Variants in IGSF11 observed in about 807,000 individuals in gnomAD.
IGSF11 encodes CXADR like 1.
In IGSF11, 22 loss-of-function variants were observed where a neutral mutation model predicts 41.0. The ratio of observed to expected loss-of-function variants is 0.54; its 90% CI spans 0.38 to 0.77. The LOEUF (loss-of-function observed/expected upper bound fraction) is 0.77. Among genes scored for constraint, IGSF11 ranks in the 30% least tolerant of loss-of-function variants. The probability of loss-of-function intolerance (pLI) is 0.00; values close to 1 mark genes in which losing one functional copy is unlikely to be tolerated. For synonymous variants in IGSF11, 219 were observed against 201.3 expected (o/e 1.09, Z -0.74); for missense variants, 444 against 530.8 (o/e 0.84, Z 1.61).
At chr3:119,016,286 TGTGTTCA>T (rs1366924365) in intron 1 of IGSF11, among the ~76,000 whole-genome samples, 10 of 152,216 alleles carry the variant, frequency 6.6e-5, no homozygotes, top group Admixed American at 6.5e-4. Flanking sequence ...GCATATGGCA[TGTGTTCA>T]AAGGTTCTCA....
intron 1 of IGSF11, among the ~76,000 whole-genome samples, chr3:119,072,221 C>A (rs973918134): frequency 6.6e-6 from 1 of 152,192 alleles, no homozygotes; most frequent in African/African-American, 2.4e-5. Flanking sequence ...TGATCCTGAG[C>A]TAAGGCATTA....
chr3:118,952,853 CCT>C (rs1944671017), intron 1 of IGSF11, among the ~76,000 whole-genome samples: 1 of 151,972 alleles, frequency 6.6e-6, no homozygotes, highest in African/African-American at 2.4e-5. Context: ...TTGGAAAACT[CCT>C]GTTTTTATGT....
chr3:118,937,816 T>C (rs1381718198), intron 1 of IGSF11, among the ~76,000 whole-genome samples: 1 of 152,214 alleles, frequency 6.6e-6, no homozygotes, highest in Non-Finnish European at 1.5e-5. Flanking sequence ...CTGGCTGTAA[T>C]ATGTAATTGT....
At chr3:119,013,101 T>C (rs918224780) in intron 1 of IGSF11, 2 of 152,346 alleles carry the variant, frequency 1.3e-5, no homozygotes, top group Non-Finnish European at 2.9e-5. Flanking sequence ...AAAGGCTAGC[T>C]CTCCCATGCC....
intron 1 of IGSF11, among the ~76,000 whole-genome samples, chr3:119,024,834 A>G (rs1939660423): frequency 6.6e-6 from 1 of 152,214 alleles, no homozygotes; most frequent in African/African-American, 2.4e-5. Flanking sequence ...GATCATAAAA[A>G]TCAAGTTAAA....
chr3:118,922,322 T>C (rs1173371687), intron 4 of IGSF11, among the ~76,000 whole-genome samples: 1 of 152,184 alleles, frequency 6.6e-6, no homozygotes, highest in Non-Finnish European at 1.5e-5. Flanking sequence ...TATATATTTA[T>C]GGTATATATT....
At chr3:119,007,899 C>G (rs1576628314) in intron 1 of IGSF11, among the ~76,000 whole-genome samples, 1 of 152,164 alleles carries the variant, frequency 6.6e-6, no homozygotes, top group Admixed American at 6.5e-5. Context: ...CTTCCATTGC[C>G]TCCTCCTTCT....
At chr3:119,038,064 T>C (rs1940980358), upstream of IGSF11, among the ~76,000 whole-genome samples, 1 of 152,162 alleles carries the variant, frequency 6.6e-6, no homozygotes, top group Non-Finnish European at 1.5e-5. Flanking sequence ...AGCCAGCATA[T>C]AGTCTAGAGC....
intron 1 of IGSF11, among the ~76,000 whole-genome samples, chr3:119,009,401 G>A (rs940327119): frequency 6.6e-6 from 1 of 152,182 alleles, no homozygotes; most frequent in Non-Finnish European, 1.5e-5. Context: ...GACCTGGTGG[G>A]AGGTGATTGG....
In IGSF11 at chr3:119,046,987, C is replaced by T. The variant is rs1941383266; in HGVS notation, c.49+58157G>A. ...CACCAGGCCTGCCCTAAAAGAGCTCCCGAAGGAAGCGCTAAACATGGAAAG... is the reference window on the plus strand; with the variant it reads ...CACCAGGCCTGCCCTAAAAGAGCTCTCGAAGGAAGCGCTAAACATGGAAAG... On this transcript the variant is annotated intron_variant, in intron 1 of 6. Transcript: ENST00000354673. Among the ~76,000 whole-genome samples, 5 of 142,366 alleles carry T rather than the reference C, an allele frequency of 3.5e-5. No individual in the cohort carries two copies. In the Admixed American group the frequency reaches 3.6e-4, roughly 10 times the overall value. The allele number at this position is 142,366 out of a possible 152,430, so 93.4% of individuals were successfully genotyped here.
intron 1 of IGSF11, among the ~76,000 whole-genome samples, chr3:119,049,067 A>G (rs1251891292): frequency 1.3e-5 from 2 of 151,490 alleles, no homozygotes; most frequent in African/African-American, 4.8e-5. Context: ...AACTGGAAGC[A>G]TTCCCTTTGA....
At chr3:119,026,745 T>C (rs948363951) in intron 1 of IGSF11, among the ~76,000 whole-genome samples, 15 of 152,184 alleles carry the variant, frequency 9.9e-5, no homozygotes, top group Non-Finnish European at 1.8e-4. Context: ...TGAAGCAAAA[T>C]GGTCATCCCA....
intron 1 of IGSF11, among the ~76,000 whole-genome samples, chr3:119,057,592 T>G (rs1268614431): frequency 2.0e-5 from 3 of 152,182 alleles, no homozygotes; most frequent in Admixed American, 1.3e-4. Flanking sequence ...AAGCTACCAA[T>G]GACTTTCTTC....
At chr3:119,118,388 G>A (rs184796301) in intron 1 of IGSF11, among the ~76,000 whole-genome samples, 2 of 152,346 alleles carry the variant, frequency 1.3e-5, no homozygotes, top group Admixed American at 6.5e-5. Context: ...CTTGAGGCTA[G>A]CATCCTCTGA....
intron 1 of IGSF11, among the ~76,000 whole-genome samples, chr3:118,966,952 T>C (rs1223235529): frequency 6.6e-6 from 1 of 152,114 alleles, no homozygotes; most frequent in African/African-American, 2.4e-5. Context: ...GAGACAACTG[T>C]TCCTACCACT....
Position 119,034,248 on chromosome 3 carries a change from C to T in IGSF11, c.52+283G>A, listed in dbSNP as rs567822012. Among the ~76,000 whole-genome samples, 12 of 152,320 alleles carry T rather than the reference C, an allele frequency of 7.9e-5. No homozygotes were observed. In the South Asian group the frequency reaches 2.3e-3, roughly 29 times the overall value. On this transcript the variant is annotated intron_variant, in intron 1 of 6. Coordinates refer to ENST00000393775, the MANE Select transcript of IGSF11 (RefSeq NM_001015887.3). ...TATCTAAAAAGGATCCTGCATTCCG[C>T]AGAGCGCAGCGAGGTGAGAGTCAGG...
chr3:118,944,457 TACACACACAC>T lies in IGSF11; in HGVS notation c.53-14192_53-14183del, dbSNP rs3079206. Among the ~76,000 whole-genome samples, 999 of 125,792 alleles carry T rather than the reference TACACACACAC, an allele frequency of 7.9e-3. 13 individuals are homozygous for T. Among genetic ancestry groups the T allele is most frequent in the African/African-American group, 0.021 (704 of 34,338 alleles). 82.5% of individuals were successfully genotyped at this position (125,792 alleles called of 152,430 possible). A position where few individuals can be genotyped will look rare whatever the true frequency, so the allele number is the denominator to read the frequency against. On this transcript the variant is annotated intron_variant, in intron 1 of 6. Transcript: ENST00000393775. ...TGTGGTCTATTGCCTTAGCTTGAAA[TACACACACAC>T]ACACACACACACACACACACACACA...
intron 4 of IGSF11, among the ~76,000 whole-genome samples, chr3:118,911,714 G>C (rs975204306): frequency 1.1e-4 from 17 of 151,312 alleles, no homozygotes; most frequent in African/African-American, 3.4e-4. Context: ...AGAGAGGAGA[G>C]GAGACACAGA....
intron 1 of IGSF11, chr3:118,947,221 T>C (rs1433908933): frequency 2.0e-5 from 3 of 152,180 alleles, no homozygotes; most frequent in Admixed American, 6.5e-5. Flanking sequence ...TCTTCAAAGT[T>C]GTCTGTGGTT....
Sources: gnomAD v4.1 joint callset for allele counts (sites outside exome capture counted in the v4.1 genomes callset) on GRCh38, gnomAD v4.1.1 for gene constraint, MANE v1.5 for transcripts, NCBI Gene and HGNC (gene_info 2026-07-23, HGNC 2026-07-21) for gene names.